Variants in PABPC4L observed in about 807,000 individuals in gnomAD.
The protein encoded by PABPC4L is polyadenylate-binding protein 4-like.
For synonymous variants in PABPC4L, 169 were observed against 164.1 expected (o/e 1.03, Z -0.23); for missense variants, 452 against 451.4 (o/e 1.00, Z -0.01).
the PABPC4L span, among the ~76,000 whole-genome samples, chr4:134,105,278 T>C: frequency 5.9e-5 from 9 of 151,702 alleles, no homozygotes; most frequent in Non-Finnish European, 1.2e-4. Context: ...TATATCTCTG[T>C]GGAATATAAA....
At chr4:133,996,957 C>T in the PABPC4L span, among the ~76,000 whole-genome samples, 9 of 152,294 alleles carry the variant, frequency 5.9e-5, no homozygotes, top group Non-Finnish European at 1.0e-4. Flanking sequence ...AGTTTCTTTA[C>T]ATTCTCTTGT....
chr4:134,044,026 G>T, the PABPC4L span, among the ~76,000 whole-genome samples: 1 of 151,780 alleles, frequency 6.6e-6, no homozygotes, highest in African/African-American at 2.4e-5. Flanking sequence ...ACCTAGGCTG[G>T]AGTGCAGGGG....
the PABPC4L span, among the ~76,000 whole-genome samples, chr4:134,074,204 T>C: frequency 2.0e-5 from 3 of 152,184 alleles, no homozygotes; most frequent in South Asian, 2.1e-4. Context: ...TTCTGCTGGA[T>C]ACCCTAAATC....
At chr4:134,184,211 T>G in the PABPC4L span, among the ~76,000 whole-genome samples, 1 of 151,936 alleles carries the variant, frequency 6.6e-6, no homozygotes, top group African/African-American at 2.4e-5. Flanking sequence ...TTTATGGCAC[T>G]ATATCATTTT....
the PABPC4L span, among the ~76,000 whole-genome samples, chr4:133,964,619 C>T: frequency 6.6e-6 from 1 of 151,994 alleles, no homozygotes; most frequent in Non-Finnish European, 1.5e-5. Context: ...GATAACCCAC[C>T]GTGATCAAGT....
chr4:133,975,900 C>G, the PABPC4L span, among the ~76,000 whole-genome samples: 3 of 152,148 alleles, frequency 2.0e-5, no homozygotes, highest in Non-Finnish European at 2.9e-5. Flanking sequence ...GAAAATTTCT[C>G]ATACACACAC....
At chr4:134,026,433 T>C in the PABPC4L span, among the ~76,000 whole-genome samples, 11 of 152,066 alleles carry the variant, frequency 7.2e-5, no homozygotes, top group Non-Finnish European at 1.5e-4. Context: ...GAGATGGGGT[T>C]TCACCATATT....
At chr4:134,133,432 A>G in the PABPC4L span, among the ~76,000 whole-genome samples, 19 of 145,542 alleles carry the variant, frequency 1.3e-4, no homozygotes, top group Admixed American at 9.9e-4. Context: ...TTATATGTAT[A>G]TATTAAATAT....
At chr4:134,040,205 GAAA>G in the PABPC4L span, among the ~76,000 whole-genome samples, 5 of 113,434 alleles carry the variant, frequency 4.4e-5, no homozygotes, top group Middle Eastern at 4.4e-3. Context: ...CACAGAATTG[GAAA>G]AAAAAAAAAA....
the PABPC4L span, among the ~76,000 whole-genome samples, chr4:134,053,744 T>C: frequency 1.3e-5 from 2 of 151,962 alleles, no homozygotes; most frequent in East Asian, 1.9e-4. Flanking sequence ...TAAAAGAGAA[T>C]AGATATTTTT....
At chr4:134,167,689 A>C in the PABPC4L span, among the ~76,000 whole-genome samples, 1 of 151,684 alleles carries the variant, frequency 6.6e-6, no homozygotes, top group Non-Finnish European at 1.5e-5. Flanking sequence ...AAAAGAGACA[A>C]AGAAAAATAA....
At chr4:134,010,570 G>A in the PABPC4L span, 4 of 152,212 alleles carry the variant, frequency 2.6e-5, no homozygotes, top group East Asian at 7.7e-4. Context: ...GGTTTAAAGC[G>A]ATGCTCTCGT....
At chr4:134,031,425 CTTT>C in the PABPC4L span, among the ~76,000 whole-genome samples, 1 of 151,896 alleles carries the variant, frequency 6.6e-6, no homozygotes, top group Admixed American at 6.6e-5. Context: ...ACCTTGACTG[CTTT>C]ATCACATCAT....
chr4:134,038,983 T>C, the PABPC4L span, among the ~76,000 whole-genome samples: 1 of 152,020 alleles, frequency 6.6e-6, no homozygotes, highest in Non-Finnish European at 1.5e-5. Context: ...TCCCTCTACA[T>C]ATTGCTTTAA....
At chr4:134,047,262 T>G in the PABPC4L span, among the ~76,000 whole-genome samples, 1 of 152,284 alleles carries the variant, frequency 6.6e-6, no homozygotes, top group East Asian at 1.9e-4. Flanking sequence ...CTTGGTTCAA[T>G]GTAAGCATCA....
rs913776911 is a variant in PABPC4L, at chr4:134,201,233, C to T, written c.-214G>A. 2.6e-6 allele frequency: 4 copies of T among 1,535,666 alleles called. No individual in the cohort carries two copies. The highest frequency in any genetic ancestry group is 1.9e-4 in the Middle Eastern group (1 of 5,342). On this transcript the variant is annotated 5_prime_UTR_variant, in exon 2 of 2. Coordinates refer to ENST00000421491, the MANE Select transcript of PABPC4L (RefSeq NM_001114734.2). Reference sequence around the variant, plus strand: ...AGCCACCAATCTGGCCCTCCTAGGACGCGGCAACAGAACTGTGAAATCGCA... The same window carrying T: ...AGCCACCAATCTGGCCCTCCTAGGATGCGGCAACAGAACTGTGAAATCGCA...
At chr4:134,154,707 C>G in the PABPC4L span, among the ~76,000 whole-genome samples, 4 of 151,598 alleles carry the variant, frequency 2.6e-5, no homozygotes, top group Non-Finnish European at 4.4e-5. Flanking sequence ...ATAAAAGAAA[C>G]CTTGCTCATT....
At chr4:134,004,162 G>C in the PABPC4L span, among the ~76,000 whole-genome samples, 1 of 151,690 alleles carries the variant, frequency 6.6e-6, no homozygotes, top group Non-Finnish European at 1.5e-5. Context: ...AAACTAACAA[G>C]CTTCTCTACA....
the PABPC4L span, among the ~76,000 whole-genome samples, chr4:134,072,971 G>A: frequency 1.3e-5 from 2 of 152,112 alleles, no homozygotes; most frequent in African/African-American, 4.8e-5. Flanking sequence ...AGGATTATGA[G>A]AACTAAAATT....
Sources: allele counts gnomAD v4.1 joint callset (sites outside exome capture counted in the v4.1 genomes callset), GRCh38; gene constraint gnomAD v4.1.1; transcripts MANE v1.5; gene names NCBI Gene and HGNC (gene_info 2026-07-23, HGNC 2026-07-21).